The following PECR variants were observed in gnomAD, a reference collection of about 807,000 sequenced individuals.
PECR encodes the protein 2,4-dienoyl-CoA reductase-related protein.
A neutral mutation model predicts 35.3 loss-of-function variants in PECR; 30 were observed. The observed-to-expected ratio is 0.85, with a 90% CI of 0.64 to 1.15. PECR has a LOEUF of 1.15. Among genes scored for constraint, PECR ranks in the 50% most tolerant of loss-of-function variants. The probability of loss-of-function intolerance (pLI) is 0.00; values close to 1 mark genes in which losing one functional copy is unlikely to be tolerated. For missense variants in PECR, 392 were observed against 370.8 expected (o/e 1.06, Z -0.47); for synonymous variants, 148 against 138.9 (o/e 1.07, Z -0.46).
At chr2:216,052,614 C>T (rs894798420) in intron 4 of PECR, among the ~76,000 whole-genome samples, 1 of 152,152 alleles carries the variant, frequency 6.6e-6, no homozygotes, top group African/African-American at 2.4e-5. Flanking sequence ...CTTTTTCCTC[C>T]AGCTGCTTTT....
downstream of PECR, among the ~76,000 whole-genome samples, chr2:216,036,894 A>G (rs781276588): frequency 1.3e-5 from 2 of 152,212 alleles, no homozygotes; most frequent in African/African-American, 2.4e-5. Context: ...CATCTTTATC[A>G]ACAAACTCTT....
At chr2:216,034,108 A>G (rs1694754481), downstream of PECR, 1 of 152,222 alleles carries the variant, frequency 6.6e-6, no homozygotes, top group East Asian at 1.9e-4. Context: ...CTTTGCAAGC[A>G]GGTCTTGCAT....
chr2:216,036,741 C>G (rs1233180472), downstream of PECR, among the ~76,000 whole-genome samples: 1 of 152,188 alleles, frequency 6.6e-6, no homozygotes, highest in Non-Finnish European at 1.5e-5. Context: ...TTCTCTGGCT[C>G]CCTGCCCTTA....
At chr2:216,079,620 G>A (rs1695788198) in intron 1 of PECR, among the ~76,000 whole-genome samples, 1 of 150,738 alleles carries the variant, frequency 6.6e-6, no homozygotes, top group Admixed American at 6.6e-5. Flanking sequence ...GCCCGCCTCG[G>A]CCTCCCAAAG....
At chr2:216,074,494 AAGGAAGG>A (rs1396372406) in intron 1 of PECR, among the ~76,000 whole-genome samples, 29 of 8,274 alleles carry the variant, frequency 3.5e-3, no homozygotes, top group African/African-American at 8.7e-3. Context: ...GAAAGAAAAA[AAGGAAGG>A]AAGGAAGGAA....
intron 3 of PECR, among the ~76,000 whole-genome samples, chr2:216,061,454 C>T (rs1045878094): frequency 8.6e-5 from 13 of 150,542 alleles, no homozygotes; most frequent in Non-Finnish European, 1.5e-5. Flanking sequence ...TGTATCTTTA[C>T]AACAGAAAGG....
Position 216,081,763 on chromosome 2 carries a change from C to G in PECR, c.-22G>C. 2 of 1,611,106 alleles carry G rather than the reference C, an allele frequency of 1.2e-6. No homozygotes were observed. The highest frequency in any genetic ancestry group is 1.7e-6 in the Non-Finnish European group (2 of 1,179,596). The stretch of plus-strand genomic sequence containing the variant: ...CCATCCCTGCAGCGGGGTGCCAGAG[C>G]AGCTGAGCGCAGGCCCTTCTGGGTC... On this transcript the variant is annotated 5_prime_UTR_variant, in exon 1 of 8. Coordinates refer to ENST00000265322, the MANE Select transcript of PECR (RefSeq NM_018441.6).
intron 5 of PECR, among the ~76,000 whole-genome samples, chr2:216,050,406 T>C (rs181367272): frequency 1.1e-3 from 166 of 152,356 alleles, no homozygotes; most frequent in Non-Finnish European, 1.1e-3. Context: ...ACATAATATG[T>C]TGCCTTTTAT....
At chr2:216,042,475 C>G (rs6755934) in intron 7 of PECR, among the ~76,000 whole-genome samples, 4 of 152,074 alleles carry the variant, frequency 2.6e-5, no homozygotes, top group Non-Finnish European at 5.9e-5. Flanking sequence ...CATCAACCAT[C>G]TATTAATTTG....
intron 1 of PECR, among the ~76,000 whole-genome samples, chr2:216,068,299 GAGAAAAATC>G (rs1393549393): frequency 6.8e-6 from 1 of 147,046 alleles, no homozygotes; most frequent in East Asian, 2.0e-4. Context: ...CAGTGATGAA[GAGAAAAATC>G]TTAAAAGCAG....
At chr2:216,080,502 C>A (rs1695817111) in intron 1 of PECR, among the ~76,000 whole-genome samples, 1 of 152,166 alleles carries the variant, frequency 6.6e-6, no homozygotes, top group Non-Finnish European at 1.5e-5. Flanking sequence ...GCATGAAAAT[C>A]TTTGCTTGAC....
chr2:216,045,251 A>G (rs1043824381), intron 6 of PECR, among the ~76,000 whole-genome samples: 2 of 152,162 alleles, frequency 1.3e-5, no homozygotes, highest in African/African-American at 4.8e-5. Context: ...CCATCCTTGT[A>G]TTCCCAGCAG....
At chr2:216,043,056 T>C (rs1694923311) in intron 7 of PECR, among the ~76,000 whole-genome samples, 2 of 108,130 alleles carry the variant, frequency 1.8e-5, no homozygotes, top group Non-Finnish European at 3.8e-5. Flanking sequence ...TATATACACA[T>C]ACGTATATAT....
At chr2:216,056,994 G>A (rs376676728) in intron 4 of PECR, among the ~76,000 whole-genome samples, 8 of 151,944 alleles carry the variant, frequency 5.3e-5, no homozygotes, top group African/African-American at 9.7e-5. Context: ...CTAGCCAACC[G>A]AATATCAGAA....
intron 3 of PECR, among the ~76,000 whole-genome samples, chr2:216,064,635 G>C (rs1318550046): frequency 6.6e-6 from 1 of 152,162 alleles, no homozygotes; most frequent in Non-Finnish European, 1.5e-5. Context: ...TTTTTCCACT[G>C]GAACAACCCA....
chr2:216,051,623 C>A, intron 4 of PECR, 78 bp from the exon 5 acceptor site: 1 of 895,534 alleles, frequency 1.1e-6, no homozygotes, highest in Non-Finnish European at 1.9e-6. Flanking sequence ...ACAAGTGTGC[C>A]AACTACCTGA....
intron 1 of PECR, among the ~76,000 whole-genome samples, chr2:216,070,414 A>C (rs1208547022): frequency 1.3e-5 from 2 of 152,230 alleles, no homozygotes; most frequent in Non-Finnish European, 2.9e-5. Flanking sequence ...CCTCCTGTCT[A>C]AATGAAACTT....
At chr2:216,064,875 A>T (rs1695432510) in intron 3 of PECR, among the ~76,000 whole-genome samples, 1 of 152,174 alleles carries the variant, frequency 6.6e-6, no homozygotes, top group Non-Finnish European at 1.5e-5. Flanking sequence ...CCACCCACGA[A>T]ACATGACCTT....
rs1044866412 is a variant in PECR at position 216,049,438 on chromosome 2, A to G, written c.604-65T>C. On this transcript the variant is annotated intron_variant, in intron 5 of 7. Coordinates refer to ENST00000265322, the MANE Select transcript of PECR (RefSeq NM_018441.6). ...TATATTAAATTTTAATTATAAAGAT[A>G]TCAAGATACTCTACTGGCATTTCAA... 6.8e-6 allele frequency: 5 copies of G among 730,104 alleles called. No homozygotes were observed. In the East Asian group the frequency reaches 1.4e-4, roughly 20 times the overall value. The allele number at this position is 730,104 out of a possible 1,614,324, so 45.2% of individuals were successfully genotyped here.
Sources: gnomAD v4.1 joint callset for allele counts (sites outside exome capture counted in the v4.1 genomes callset) on GRCh38, gnomAD v4.1.1 for gene constraint, MANE v1.5 for transcripts, NCBI Gene and HGNC (gene_info 2026-07-23, HGNC 2026-07-21) for gene names.